The following ACAP2 variants were observed in gnomAD, a reference collection of about 807,000 sequenced individuals.
The protein encoded by ACAP2 is arf-GAP with coiled-coil, ANK repeat and PH domain-containing protein 2.
Under a neutral mutation model 115.8 loss-of-function variants are expected in ACAP2, and 39 were observed. That is an observed-to-expected ratio of 0.34 (90% CI 0.26 to 0.44). The LOEUF is 0.44. Ranked by LOEUF, ACAP2 falls within the 20% of genes least tolerant of loss-of-function variation. ACAP2 has a pLI of 1.00. For missense variants in ACAP2, 662 were observed against 927.6 expected (o/e 0.71, Z 3.72); for synonymous variants, 289 against 315.8 (o/e 0.92, Z 0.90).
intron 1 of ACAP2, among the ~76,000 whole-genome samples, chr3:195,430,297 T>G (rs1319750215): frequency 1.3e-5 from 2 of 152,224 alleles, no homozygotes; most frequent in Admixed American, 1.3e-4. Context: ...TATTAATTAT[T>G]GTTACTTTTT....
At chr3:195,420,187 T>C (rs1714064586) in intron 1 of ACAP2, among the ~76,000 whole-genome samples, 1 of 152,198 alleles carries the variant, frequency 6.6e-6, no homozygotes, top group South Asian at 2.1e-4. Context: ...TAATTTCATT[T>C]CTATTTATAG....
At position 195,423,126 on chromosome 3, in the gene ACAP2, C is replaced by T. The variant is rs141387517; in HGVS notation, c.53+19669G>A. On this transcript the variant is annotated intron_variant, in intron 1 of 22. Transcript: ENST00000326793. ...ATGTAGGAGAATGTCCTTATTTTTACGAGCTGCAGGTCAAACTTTCAAATG... is the reference window on the plus strand; with the variant it reads ...ATGTAGGAGAATGTCCTTATTTTTATGAGCTGCAGGTCAAACTTTCAAATG... 3.2e-3 allele frequency among the ~76,000 whole-genome samples: 479 copies of T among 151,800 alleles called. 1 individual carries two copies. Among genetic ancestry groups the T allele is most frequent in the Non-Finnish European group, 5.4e-3 (366 of 67,956 alleles).
intron 4 of ACAP2, among the ~76,000 whole-genome samples, chr3:195,366,793 T>G (rs761369466): frequency 4.7e-4 from 72 of 152,116 alleles, no homozygotes; most frequent in Admixed American, 2.0e-4. Context: ...TCACTAACAT[T>G]AAAAGGACCA....
At chr3:195,351,609 C>G (rs989979728) in intron 4 of ACAP2, among the ~76,000 whole-genome samples, 20 of 151,624 alleles carry the variant, frequency 1.3e-4, no homozygotes, top group African/African-American at 4.6e-4. Flanking sequence ...CCACAGGCGC[C>G]CCCCACCACC....
intron 1 of ACAP2, among the ~76,000 whole-genome samples, chr3:195,414,662 A>C (rs1713566588): frequency 6.6e-6 from 1 of 152,200 alleles, no homozygotes; most frequent in African/African-American, 2.4e-5. Context: ...AGAAAACACA[A>C]AATGCTACAA....
chr3:195,418,542 A>G (rs1324328060), intron 1 of ACAP2, among the ~76,000 whole-genome samples: 2 of 152,122 alleles, frequency 1.3e-5, no homozygotes, highest in Non-Finnish European at 2.9e-5. Flanking sequence ...CTCCAACCTC[A>G]TGCTTCAGCC....
chr3:195,337,936 C>CCACTCCCACCTCAACCTGAGCCT (rs1730618229), intron 6 of ACAP2, among the ~76,000 whole-genome samples: 6 of 150,378 alleles, frequency 4.0e-5, no homozygotes, highest in African/African-American at 1.5e-4. Context: ...AACCTGAGCC[C>CCACTCCCACCTCAACCTGAGCCT]GGGGCCACTC....
At chr3:195,323,907 A>G (rs1034082078) in intron 9 of ACAP2, among the ~76,000 whole-genome samples, 1 of 152,226 alleles carries the variant, frequency 6.6e-6, no homozygotes, top group African/African-American at 2.4e-5. Context: ...TAATTAAAAG[A>G]ATACAATAGG....
chr3:195,433,301 ATTG>A (rs1396181157), intron 1 of ACAP2, among the ~76,000 whole-genome samples: 1 of 152,064 alleles, frequency 6.6e-6, no homozygotes. Context: ...GTTATTTTTT[ATTG>A]TTTTTTTCCA....
intron 4 of ACAP2, among the ~76,000 whole-genome samples, chr3:195,368,643 G>A (rs1343033559): frequency 2.0e-5 from 3 of 152,068 alleles, no homozygotes; most frequent in Non-Finnish European, 4.4e-5. Flanking sequence ...TAGTATTACA[G>A]ATTCTTATTA....
chr3:195,344,509 G>A (rs182325900), intron 5 of ACAP2, among the ~76,000 whole-genome samples: 212 of 151,296 alleles, frequency 1.4e-3, no homozygotes, highest in African/African-American at 4.8e-3. Flanking sequence ...CAAAATACTC[G>A]TAAGTCACAA....
intron 1 of ACAP2, among the ~76,000 whole-genome samples, chr3:195,433,270 AT>A (rs1206551804): frequency 6.6e-6 from 1 of 152,138 alleles, no homozygotes; most frequent in Non-Finnish European, 1.5e-5. Context: ...TTGTTATACT[AT>A]TTATTTGTAC....
intron 9 of ACAP2, among the ~76,000 whole-genome samples, chr3:195,321,808 T>G (rs1729474306): frequency 2.0e-5 from 3 of 151,898 alleles, no homozygotes; most frequent in Admixed American, 2.0e-4. Context: ...AGACAGGATT[T>G]CACCATGTTA....
At chr3:195,330,784 C>T (rs180910514) in intron 8 of ACAP2, among the ~76,000 whole-genome samples, 1 of 152,144 alleles carries the variant, frequency 6.6e-6, no homozygotes, top group African/African-American at 2.4e-5. Flanking sequence ...TGTGACCCTG[C>T]GACTAAGGAC....
intron 1 of ACAP2, among the ~76,000 whole-genome samples, chr3:195,421,662 C>A (rs776169508): frequency 2.6e-5 from 4 of 152,184 alleles, no homozygotes; most frequent in Non-Finnish European, 5.9e-5. Flanking sequence ...AGTTGCTGTA[C>A]AATTGTGAGT....
intron 20 of ACAP2, among the ~76,000 whole-genome samples, 162 bp from the exon 21 acceptor site, chr3:195,289,393 C>A (rs576535523): frequency 1.3e-5 from 2 of 152,156 alleles, no homozygotes; most frequent in East Asian, 3.9e-4. Flanking sequence ...CAAAAACTTA[C>A]CAAGATCAAC....
chr3:195,320,655 A>C, intron 10 of ACAP2, 46 bp downstream of exon 10: 1 of 1,380,172 alleles, frequency 7.2e-7, no homozygotes, highest in African/African-American at 1.4e-5. Context: ...AAAGTCAGAA[A>C]ATCAAAACTA....
chr3:195,324,016 T>C (rs1448424018), intron 9 of ACAP2, among the ~76,000 whole-genome samples: 1 of 152,110 alleles, frequency 6.6e-6, no homozygotes, highest in East Asian at 1.9e-4. Context: ...AAATATTTCA[T>C]GTACCCCATA....
intron 1 of ACAP2, among the ~76,000 whole-genome samples, chr3:195,403,681 C>T (rs935483118): frequency 6.6e-6 from 1 of 152,170 alleles, no homozygotes; most frequent in African/African-American, 2.4e-5. Flanking sequence ...AAGTTTCAGG[C>T]TGGAGCAAAA....
Sources: allele counts gnomAD v4.1 joint callset (sites outside exome capture counted in the v4.1 genomes callset), GRCh38; gene constraint gnomAD v4.1.1; transcripts MANE v1.5; gene names NCBI Gene and HGNC (gene_info 2026-07-23, HGNC 2026-07-21).